The following ZYG11A variants were observed in gnomAD, a reference collection of about 807,000 sequenced individuals.
The protein encoded by ZYG11A is zyg-11 family member A, cell cycle regulator, also known as protein zyg-11 homolog A.
Under a neutral mutation model 77.2 loss-of-function variants are expected in ZYG11A, and 62 were observed. That is an observed-to-expected ratio of 0.80 (90% CI 0.65 to 0.99). The LOEUF is 0.99. ZYG11A is among the 50% of genes least tolerant of loss of function. The pLI is 0.00. For missense variants in ZYG11A, 828 were observed against 896.8 expected, an observed-to-expected ratio of 0.92 and a Z score of 0.98; for synonymous variants, 315 against 324.6, an observed-to-expected ratio of 0.97 and a Z score of 0.32.
chr1:52,844,302 C>T (rs2149980550), intron 1 of ZYG11A, among the ~76,000 whole-genome samples: 1 of 152,236 alleles, frequency 6.6e-6, no homozygotes, highest in East Asian at 1.9e-4. Context: ...AGTGATCTAG[C>T]CTGTAATCTT....
At chr1:52,857,787 T>A (rs1196244138) in intron 3 of ZYG11A, 38 bp downstream of exon 3, 4 of 1,484,982 alleles carry the variant, frequency 2.7e-6, no homozygotes, top group Admixed American at 2.5e-5. Context: ...TTCATTTGTT[T>A]AGAACATTAT....
chr1:52,850,201 A>G (rs1362494470), intron 1 of ZYG11A, among the ~76,000 whole-genome samples: 1 of 151,814 alleles, frequency 6.6e-6, no homozygotes, highest in Admixed American at 6.6e-5. Context: ...GCCAGGCTGG[A>G]GTGCAGTGGC....
chr1:52,866,532 C>CGGTT lies in ZYG11A; in HGVS notation c.1356_1357insGGTT (p.Asn453GlyfsTer2), dbSNP rs1372169762. On this transcript the variant is annotated frameshift_variant, in exon 6 of 14. Transcript: ENST00000371528. LOFTEE classifies it high-confidence loss of function. The stretch of plus-strand genomic sequence containing the variant: ...AGAAGAATTGTCTTCTCTCCTTAAC[C>CGGTT]AATTCCAGGATTCTTGTGGATGTTC... The CGGTT allele has an allele frequency of 1.3e-6, 2 of 1,541,176 alleles. No individual in the cohort carries two copies. Among genetic ancestry groups the CGGTT allele is most frequent in the Non-Finnish European group, 1.8e-6 (2 of 1,138,148 alleles).
At chr1:52,859,762 C>T (rs2149997930) in intron 3 of ZYG11A, among the ~76,000 whole-genome samples, 1 of 134,614 alleles carries the variant, frequency 7.4e-6, no homozygotes, top group African/African-American at 2.8e-5. Flanking sequence ...ACTGCAACCT[C>T]TGCCTCCCGG....
At chr1:52,849,438 A>T (rs990067604) in intron 1 of ZYG11A, among the ~76,000 whole-genome samples, 2 of 150,340 alleles carry the variant, frequency 1.3e-5, no homozygotes, top group South Asian at 4.2e-4. Context: ...ATCTCCGCTC[A>T]CTGCAGCCTC....
At chr1:52,872,035 G>T (rs749657949) in intron 8 of ZYG11A, among the ~76,000 whole-genome samples, 5 of 152,186 alleles carry the variant, frequency 3.3e-5, no homozygotes, top group East Asian at 1.9e-4. Context: ...TAACTTGTAT[G>T]TCTGTTTACA....
In ZYG11A at chr1:52,842,831, G is replaced by T; in HGVS notation, c.-53G>T. The stretch of plus-strand genomic sequence containing the variant: ...CGCCCGCTTGGTTCTCGCGGGATCC[G>T]GGCTCCGGCTCGACGCCGGCTCTCT... On this transcript the variant is annotated 5_prime_UTR_variant, in exon 1 of 14. Coordinates refer to ENST00000371528, the MANE Select transcript of ZYG11A (RefSeq NM_001004339.3). 6.7e-7 allele frequency: 1 copy of T among 1,502,754 alleles called. No homozygotes were observed. The highest frequency in any genetic ancestry group is 1.2e-5 in the South Asian group (1 of 80,568). 93.1% of individuals were successfully genotyped at this position (1,502,754 alleles called of 1,614,324 possible). A position where few individuals can be genotyped will look rare whatever the true frequency, so the allele number is the denominator to read the frequency against.
At chr1:52,846,897 G>C (rs1269275630) in intron 1 of ZYG11A, among the ~76,000 whole-genome samples, 1 of 151,162 alleles carries the variant, frequency 6.6e-6, no homozygotes, top group Non-Finnish European at 1.5e-5. Flanking sequence ...GCCCAGGCTG[G>C]AGTGCAGTGG....
chr1:52,887,506 T>G (rs886064427), intron 13 of ZYG11A, among the ~76,000 whole-genome samples: 1 of 152,100 alleles, frequency 6.6e-6, no homozygotes, highest in African/African-American at 2.4e-5. Context: ...TGTGTAATGG[T>G]CTCTGGGAGA....
At chr1:52,859,676 T>TGCC (rs1557436716) in intron 3 of ZYG11A, among the ~76,000 whole-genome samples, 1 of 110,560 alleles carries the variant, frequency 9.0e-6, no homozygotes, top group Non-Finnish European at 1.9e-5. Flanking sequence ...CCTTTTTTTT[T>TGCC]TTTTTTTTTT....
intron 4 of ZYG11A, among the ~76,000 whole-genome samples, chr1:52,861,482 C>T (rs1645925742): frequency 6.6e-6 from 1 of 151,878 alleles, no homozygotes; most frequent in African/African-American, 2.4e-5. Context: ...GCGGGTGGAT[C>T]ACGAGGTCAA....
intron 8 of ZYG11A, among the ~76,000 whole-genome samples, chr1:52,872,170 C>G (rs181766700): frequency 1.3e-5 from 2 of 152,108 alleles, no homozygotes; most frequent in Non-Finnish European, 2.9e-5. Flanking sequence ...GGCTCAATCT[C>G]GGCTCACTGC....
chr1:52,876,411 G>C (rs1454003253), intron 8 of ZYG11A, among the ~76,000 whole-genome samples: 2 of 152,148 alleles, frequency 1.3e-5, no homozygotes. Flanking sequence ...AACAGGACTA[G>C]TTGAGATACA....
At chr1:52,876,605 G>A (rs1275949818) in intron 8 of ZYG11A, among the ~76,000 whole-genome samples, 1 of 152,116 alleles carries the variant, frequency 6.6e-6, no homozygotes, top group Non-Finnish European at 1.5e-5. Flanking sequence ...ACTGTGATAC[G>A]CTCAGGGACA....
intron 8 of ZYG11A, among the ~76,000 whole-genome samples, chr1:52,874,815 T>C (rs1309019574): frequency 1.3e-5 from 2 of 152,156 alleles, no homozygotes; most frequent in African/African-American, 2.4e-5. Context: ...TGAAGTGAGC[T>C]GAGATCATGC....
At chr1:52,867,371 C>G (rs984790739) in intron 6 of ZYG11A, among the ~76,000 whole-genome samples, 168 bp from the exon 7 acceptor site, 14 of 152,158 alleles carry the variant, frequency 9.2e-5, no homozygotes, top group African/African-American at 1.7e-4. Flanking sequence ...TCTCCTATCC[C>G]CTGCCTGGTC....
intron 8 of ZYG11A, among the ~76,000 whole-genome samples, chr1:52,871,351 G>C (rs1646161483): frequency 6.6e-6 from 1 of 151,546 alleles, no homozygotes; most frequent in Admixed American, 6.6e-5. Context: ...TGAGATGTTG[G>C]GTCGTTCAAG....
At chr1:52,843,187 G>A (rs976618492) in intron 1 of ZYG11A, among the ~76,000 whole-genome samples, 5 of 152,158 alleles carry the variant, frequency 3.3e-5, no homozygotes, top group African/African-American at 9.6e-5. Flanking sequence ...AGCGGGGGGT[G>A]CTTTTCTGCG....
rs1398839253 is a variant in ZYG11A at position 52,893,817 on chromosome 1, T to C, written c.*860T>C. 1.4e-5 allele frequency: 2 copies of C among 141,624 alleles called. No homozygotes were observed. The highest frequency in any genetic ancestry group is 3.1e-5 in the Non-Finnish European group (2 of 64,800). 8.8% of individuals were successfully genotyped at this position (141,624 alleles called of 1,614,324 possible). A position where few individuals can be genotyped will look rare whatever the true frequency, so the allele number is the denominator to read the frequency against. ...AAATATATTTTTTTACCTTTTTTTTTTTTTTTTTTTTTGTGACGGAATCTC... is the reference window on the plus strand; with the variant it reads ...AAATATATTTTTTTACCTTTTTTTTCTTTTTTTTTTTTGTGACGGAATCTC... On this transcript the variant is annotated 3_prime_UTR_variant, in exon 14 of 14. Coordinates refer to ENST00000371528, the MANE Select transcript of ZYG11A (RefSeq NM_001004339.3).
Sources: allele counts gnomAD v4.1 joint callset (sites outside exome capture counted in the v4.1 genomes callset), GRCh38; gene constraint gnomAD v4.1.1; transcripts MANE v1.5; gene names NCBI Gene and HGNC (gene_info 2026-07-23, HGNC 2026-07-21).